The following CAPZB variants were observed in gnomAD, a reference collection of about 807,000 sequenced individuals.
CAPZB encodes F-actin-capping protein subunit beta.
A neutral mutation model predicts 38.1 loss-of-function variants in CAPZB; 2 were observed. That is an observed-to-expected ratio of 0.05 (90% CI 0.02 to 0.17). The LOEUF (loss-of-function observed/expected upper bound fraction) is 0.17, where lower values mean the gene tolerates loss of function less well. CAPZB is among the 10% of genes least tolerant of loss of function. The pLI is 1.00. For synonymous variants in CAPZB, 107 were observed against 127.4 expected (o/e 0.84, Z 1.08); for missense variants, 161 against 334.2 (o/e 0.48, Z 4.04).
intron 3 of CAPZB, among the ~76,000 whole-genome samples, chr1:19,381,257 C>T (rs1229023333): frequency 2.0e-5 from 3 of 150,970 alleles, no homozygotes; most frequent in Admixed American, 6.6e-5. Flanking sequence ...ATTCTTGCAC[C>T]CCCGCCCCCC....
chr1:19,485,304 AC>A, intron 1 of CAPZB, 131 bp downstream of exon 1: 1 of 565,236 alleles, frequency 1.8e-6, no homozygotes, highest in Non-Finnish European at 2.6e-6. Context: ...GACCGGGTCC[AC>A]CCAGGGTCCG....
chr1:19,465,354 A>G (rs1056362823), intron 1 of CAPZB, among the ~76,000 whole-genome samples: 4 of 152,178 alleles, frequency 2.6e-5, no homozygotes, highest in Admixed American at 1.3e-4. Flanking sequence ...TGATGCAGAG[A>G]ACAAGCCTTT....
At chr1:19,367,160 T>A (rs948959864) in intron 4 of CAPZB, among the ~76,000 whole-genome samples, 3 of 152,224 alleles carry the variant, frequency 2.0e-5, no homozygotes, top group Non-Finnish European at 4.4e-5. Context: ...TCCAGAGAGC[T>A]GCAGACGGCA....
intron 3 of CAPZB, among the ~76,000 whole-genome samples, chr1:19,383,490 C>A (rs2094187044): frequency 6.6e-6 from 1 of 151,420 alleles, no homozygotes; most frequent in Admixed American, 6.6e-5. Flanking sequence ...GTGATACATG[C>A]CTATGGTCTT....
intron 1 of CAPZB, among the ~76,000 whole-genome samples, chr1:19,450,246 T>C (rs2094511705): frequency 6.6e-6 from 1 of 152,080 alleles, no homozygotes; most frequent in Admixed American, 6.5e-5. Flanking sequence ...AGTATTAGTT[T>C]TCCTTATCTG....
chr1:19,393,169 G>C (rs1168954085), intron 2 of CAPZB, among the ~76,000 whole-genome samples: 3 of 152,254 alleles, frequency 2.0e-5, no homozygotes, highest in Non-Finnish European at 4.4e-5. Flanking sequence ...TGGAGCTTCC[G>C]ACCCATTTTG....
At chr1:19,483,495 G>C (rs565118405) in intron 1 of CAPZB, among the ~76,000 whole-genome samples, 2 of 152,254 alleles carry the variant, frequency 1.3e-5, no homozygotes, top group African/African-American at 4.8e-5. Flanking sequence ...GCACACCACA[G>C]TGACTGGCAG....
intron 6 of CAPZB, among the ~76,000 whole-genome samples, chr1:19,349,868 A>T (rs2093982378): frequency 6.6e-6 from 1 of 151,708 alleles, no homozygotes. Flanking sequence ...GCCCCTGCTC[A>T]CTCCCCTCCA....
At chr1:19,459,689 A>G (rs986902443) in intron 1 of CAPZB, among the ~76,000 whole-genome samples, 5 of 152,166 alleles carry the variant, frequency 3.3e-5, no homozygotes, top group African/African-American at 1.2e-4. Flanking sequence ...CCTTACCTGC[A>G]GTTTCACTTT....
chr1:19,422,496 G>C (rs2094405149), intron 1 of CAPZB, among the ~76,000 whole-genome samples: 1 of 152,100 alleles, frequency 6.6e-6, no homozygotes, highest in South Asian at 2.1e-4. Context: ...ATACACTTTG[G>C]GAGGCCAAGG....
At chr1:19,461,794 C>G (rs11576376) in intron 1 of CAPZB, among the ~76,000 whole-genome samples, 8 of 152,106 alleles carry the variant, frequency 5.3e-5, no homozygotes, top group Non-Finnish European at 1.0e-4. Flanking sequence ...TCATAACAGG[C>G]GAATTACCTA....
intron 2 of CAPZB, among the ~76,000 whole-genome samples, chr1:19,395,341 T>A (rs2094261132): frequency 6.6e-6 from 1 of 152,130 alleles, no homozygotes; most frequent in African/African-American, 2.4e-5. Flanking sequence ...AACAAAGAGC[T>A]TTTTCAGGAA....
chr1:19,444,691 T>C (rs1174444003), intron 1 of CAPZB, among the ~76,000 whole-genome samples: 1 of 152,216 alleles, frequency 6.6e-6, no homozygotes, highest in African/African-American at 2.4e-5. Flanking sequence ...AGAGGTGATC[T>C]AAAAAGCAAT....
intron 2 of CAPZB, among the ~76,000 whole-genome samples, chr1:19,414,030 G>C (rs145074583): frequency 2.0e-5 from 3 of 152,142 alleles, no homozygotes; most frequent in African/African-American, 7.2e-5. Context: ...CATCCTTAAC[G>C]TCACCAGTCA....
chr1:19,398,691 C>A (rs148054553), intron 2 of CAPZB, among the ~76,000 whole-genome samples: 1 of 152,006 alleles, frequency 6.6e-6, no homozygotes, highest in East Asian at 1.9e-4. Context: ...ATAGAAACGA[C>A]CAAGCAGGGG....
intron 3 of CAPZB, among the ~76,000 whole-genome samples, chr1:19,382,904 C>A (rs1020906400): frequency 2.0e-5 from 3 of 152,166 alleles, no homozygotes; most frequent in Non-Finnish European, 2.9e-5. Context: ...GAATACTTCT[C>A]CCTGCCTGCT....
At chr1:19,427,713 C>T (rs776326354) in intron 1 of CAPZB, among the ~76,000 whole-genome samples, 7 of 152,170 alleles carry the variant, frequency 4.6e-5, no homozygotes, top group Non-Finnish European at 1.0e-4. Flanking sequence ...GAGGGAGATG[C>T]CTCAACCACA....
chr1:19,355,085 T>TC (rs1459642620), intron 6 of CAPZB, among the ~76,000 whole-genome samples: 2 of 152,152 alleles, frequency 1.3e-5, no homozygotes, highest in Non-Finnish European at 2.9e-5. Context: ...CAGTGGAGCT[T>TC]CTATAGGTGG....
intron 4 of CAPZB, among the ~76,000 whole-genome samples, chr1:19,373,642 C>T (rs2094130554): frequency 6.6e-6 from 1 of 151,974 alleles, no homozygotes; most frequent in African/African-American, 2.4e-5. Flanking sequence ...GACCCTCAAG[C>T]CTATCTCTTT....
Sources: allele counts gnomAD v4.1 joint callset (sites outside exome capture counted in the v4.1 genomes callset), GRCh38; gene constraint gnomAD v4.1.1; transcripts MANE v1.5; gene names NCBI Gene and HGNC (gene_info 2026-07-23, HGNC 2026-07-21).